Variants in MAST4 observed in about 807,000 individuals in gnomAD.
MAST4 encodes microtubule-associated serine/threonine-protein kinase 4.
A neutral mutation model predicts 162.7 loss-of-function variants in MAST4; 89 were observed. The ratio of observed to expected loss-of-function variants is 0.55; its 90% CI spans 0.46 to 0.65. MAST4 has a LOEUF of 0.65. MAST4 is among the 30% of genes least tolerant of loss of function. MAST4 has a pLI of 0.00. For missense variants in MAST4, 3,153 were observed against 3,374.0 expected, an observed-to-expected ratio of 0.93 and a Z score of 1.62; for synonymous variants, 1,479 against 1,361.1, an observed-to-expected ratio of 1.09 and a Z score of -1.91.
intron 4 of MAST4, among the ~76,000 whole-genome samples, chr5:67,050,619 T>C (rs1397662629): frequency 6.6e-6 from 1 of 152,154 alleles, no homozygotes; most frequent in Non-Finnish European, 1.5e-5. Flanking sequence ...ATAAATGAAG[T>C]AAAAATAAAT....
At chr5:67,080,977 AAT>A (rs1244588698) in intron 5 of MAST4, among the ~76,000 whole-genome samples, 8 of 133,294 alleles carry the variant, frequency 6.0e-5, no homozygotes, top group East Asian at 4.4e-4. Flanking sequence ...TATATTATAT[AAT>A]ATATATAATT....
intron 4 of MAST4, among the ~76,000 whole-genome samples, chr5:66,984,492 G>T (rs144104343): frequency 6.6e-6 from 1 of 152,292 alleles, no homozygotes; most frequent in East Asian, 1.9e-4. Context: ...GGATATAAGT[G>T]CAGAATGTGC....
chr5:67,120,176 G>A (rs1434788264), intron 13 of MAST4, among the ~76,000 whole-genome samples: 1 of 152,172 alleles, frequency 6.6e-6, no homozygotes, highest in East Asian at 1.9e-4. Context: ...TGGGTTATCT[G>A]TGTAGACACT....
chr5:66,862,722 A>T lies in MAST4; in HGVS notation c.643-37229A>T, dbSNP rs892570718. 3.3e-5 allele frequency among the ~76,000 whole-genome samples: 5 copies of T among 152,224 alleles called. No homozygotes were observed. The East Asian group carries it at 9.6e-4, about 29-fold the overall frequency. On this transcript the variant is annotated intron_variant, in intron 3 of 28. Coordinates refer to ENST00000403625, the MANE Select transcript of MAST4 (RefSeq NM_001164664.2). ...CCAATAATTGAATTTACTCGTCTAT[A>T]AAACAGAGTGTCTTGGATATTTTTG...
chr5:66,896,815 G>C (rs463111), intron 3 of MAST4, among the ~76,000 whole-genome samples: 81,657 of 152,002 alleles, frequency 0.54, 22,343 homozygotes, highest in Middle Eastern at 0.61. Context: ...GATCATTTAC[G>C]CTTCTTTCTT....
At chr5:66,744,438 AC>A (rs1224619550) in intron 1 of MAST4, among the ~76,000 whole-genome samples, 1 of 152,222 alleles carries the variant, frequency 6.6e-6, no homozygotes, top group Non-Finnish European at 1.5e-5. Flanking sequence ...AAGAGCTTAA[AC>A]GTTATTTTAT....
chr5:66,903,438 TTGTGTG>T lies in MAST4; in HGVS notation c.674+3482_674+3487del, dbSNP rs3042310. 3.8e-3 allele frequency among the ~76,000 whole-genome samples: 570 copies of T among 148,700 alleles called. 4 individuals carry two copies. The highest frequency in any genetic ancestry group is 0.037 in the East Asian group (187 of 5,028). On this transcript the variant is annotated intron_variant, in intron 4 of 28. Coordinates refer to ENST00000403625, the MANE Select transcript of MAST4 (RefSeq NM_001164664.2). The stretch of plus-strand genomic sequence containing the variant: ...GATGTAAACATTCTCACACCTGTGT[TTGTGTG>T]TGTGTGTGTGTGTGTGTGTGTGTGT...
chr5:66,959,283 G>A (rs1267038799), intron 4 of MAST4: 2 of 779,732 alleles, frequency 2.6e-6, no homozygotes, highest in Non-Finnish European at 4.8e-6. Flanking sequence ...AGATTCCGGG[G>A]CTGACCTTGG....
chr5:66,988,098 A>G (rs1177771213), intron 4 of MAST4, among the ~76,000 whole-genome samples: 2 of 152,190 alleles, frequency 1.3e-5, no homozygotes, highest in African/African-American at 4.8e-5. Context: ...TTTCCATTAC[A>G]ACAGATTTTA....
At chr5:66,731,322 G>A (rs1458929325) in intron 1 of MAST4, among the ~76,000 whole-genome samples, 1 of 152,164 alleles carries the variant, frequency 6.6e-6, no homozygotes, top group East Asian at 1.9e-4. Context: ...ATAGAACAAG[G>A]TGTTTCAGTT....
At chr5:67,144,526 C>T in intron 21 of MAST4, 143 bp from the exon 22 acceptor site, 1 of 788,106 alleles carries the variant, frequency 1.3e-6, no homozygotes, top group Non-Finnish European at 2.0e-6. Context: ...TTCTGGTTAA[C>T]AACACTGGAA....
intron 5 of MAST4, among the ~76,000 whole-genome samples, chr5:67,056,774 G>A (rs1259353210): frequency 6.6e-6 from 1 of 152,166 alleles, no homozygotes; most frequent in Admixed American, 6.5e-5. Flanking sequence ...TCAGCTAACT[G>A]TAACTTCTGC....
At chr5:66,804,233 C>T (rs1224713023) in intron 3 of MAST4, among the ~76,000 whole-genome samples, 3 of 152,046 alleles carry the variant, frequency 2.0e-5, no homozygotes, top group Non-Finnish European at 2.9e-5. Context: ...GGTAGCTGAA[C>T]GAAGTAGGAA....
intron 23 of MAST4, 148 bp from the exon 24 acceptor site, chr5:67,149,241 A>T: frequency 1.5e-6 from 1 of 663,578 alleles, no homozygotes; most frequent in Non-Finnish European, 2.6e-6. Context: ...ACATGTTGTT[A>T]ATGTTCGCCT....
chr5:66,981,661 G>A (rs1360799526), intron 4 of MAST4, among the ~76,000 whole-genome samples: 1 of 152,168 alleles, frequency 6.6e-6, no homozygotes, highest in Admixed American at 6.5e-5. Flanking sequence ...GAATTTCATA[G>A]CCCTATAAAC....
chr5:66,837,318 A>C (rs1020457498), intron 3 of MAST4, among the ~76,000 whole-genome samples: 1 of 152,174 alleles, frequency 6.6e-6, no homozygotes. Context: ...AAAATGTACT[A>C]AAATGTTAAT....
Position 67,167,546 on chromosome 5 carries a change from G to A in MAST4, c.*495G>A, listed in dbSNP as rs1215222832. ...CACATCCACCTACATGTTTTGGTCT[G>A]TGGTTTAAGAGACTATTTCAAGGTT... On this transcript the variant is annotated 3_prime_UTR_variant, in exon 29 of 29. Transcript: ENST00000403625. 1.3e-5 allele frequency: 2 copies of A among 152,384 alleles called. No individual in the cohort carries two copies. Among genetic ancestry groups the A allele is most frequent in the Non-Finnish European group, 2.9e-5 (2 of 68,162 alleles). The allele number at this position is 152,384 out of a possible 1,614,324, so 9.4% of individuals were successfully genotyped here. A position where few individuals can be genotyped will look rare whatever the true frequency, so the allele number is the denominator to read the frequency against.
At chr5:66,755,206 T>TTG (rs1753458887) in intron 1 of MAST4, among the ~76,000 whole-genome samples, 1 of 152,176 alleles carries the variant, frequency 6.6e-6, no homozygotes, top group Non-Finnish European at 1.5e-5. Context: ...TTTTGGAAGT[T>TTG]GAGCCTGGAG....
chr5:67,084,516 A>G (rs1476150571), intron 5 of MAST4, among the ~76,000 whole-genome samples: 1 of 152,194 alleles, frequency 6.6e-6, no homozygotes, highest in African/African-American at 2.4e-5. Flanking sequence ...ATTAAAGTAG[A>G]AAAAAACTAT....
Sources: allele counts gnomAD v4.1 joint callset (sites outside exome capture counted in the v4.1 genomes callset), GRCh38; gene constraint gnomAD v4.1.1; transcripts MANE v1.5; gene names NCBI Gene and HGNC (gene_info 2026-07-23, HGNC 2026-07-21).